The following SLC23A2 variants were observed in gnomAD, a reference collection of about 807,000 sequenced individuals.
The protein encoded by SLC23A2 is solute carrier family 23 member 2.
A neutral mutation model predicts 73.3 loss-of-function variants in SLC23A2; 36 were observed. That is an observed-to-expected ratio of 0.49 (90% confidence interval 0.38 to 0.65). SLC23A2 has a LOEUF of 0.65. Ranked by LOEUF, SLC23A2 falls within the 30% of genes least tolerant of loss-of-function variation. The pLI, the probability that SLC23A2 is intolerant of heterozygous loss-of-function variation, is 0.00. For missense variants in SLC23A2, 507 were observed against 841.6 expected, an observed-to-expected ratio of 0.60 and a Z score of 4.92; for synonymous variants, 343 against 327.3, an observed-to-expected ratio of 1.05 and a Z score of -0.52.
intron 9 of SLC23A2, among the ~76,000 whole-genome samples, chr20:4,876,783 G>A (rs1003639615): frequency 2.6e-5 from 4 of 152,180 alleles, no homozygotes; most frequent in Admixed American, 1.3e-4. Flanking sequence ...TAATATCGTG[G>A]TCTATCTGTT....
chr20:4,879,278 G>A (rs747426185), intron 9 of SLC23A2, among the ~76,000 whole-genome samples: 2 of 151,696 alleles, frequency 1.3e-5, no homozygotes, highest in African/African-American at 4.8e-5. Context: ...GAGTGGTGGC[G>A]GATGCCTGTA....
At chr20:4,983,450 T>A (rs556540658) in intron 1 of SLC23A2, among the ~76,000 whole-genome samples, 39 of 149,488 alleles carry the variant, frequency 2.6e-4, no homozygotes, top group Admixed American at 1.1e-3. Context: ...ATCGAGACCA[T>A]CCTGGCCAAC....
At chr20:4,964,273 G>A (rs139482539) in intron 2 of SLC23A2, among the ~76,000 whole-genome samples, 1 of 152,240 alleles carries the variant, frequency 6.6e-6, no homozygotes, top group East Asian at 1.9e-4. Flanking sequence ...GGGATTATAG[G>A]CGTGAACCAC....
At chr20:4,936,687 C>G (rs1290203701) in intron 2 of SLC23A2, among the ~76,000 whole-genome samples, 1 of 152,132 alleles carries the variant, frequency 6.6e-6, no homozygotes. Context: ...AGCAGCAAAC[C>G]CCTCCCCACC....
intron 3 of SLC23A2, among the ~76,000 whole-genome samples, chr20:4,915,849 G>A (rs1394066169): frequency 6.6e-6 from 1 of 152,198 alleles, no homozygotes; most frequent in East Asian, 1.9e-4. Context: ...TTGAGAGGAT[G>A]AGGCAGGAGA....
chr20:4,870,013 G>T lies in SLC23A2; in HGVS notation c.1143C>A (p.Ile381=), dbSNP rs369767495. The change falls in exon 12 of 17, where the codon ATC becomes ATA. Residue 381 remains isoleucine, a synonymous_variant. Transcript: ENST00000338244. ...TGGCGACCACGGCACTGAGCATGCCGATGACACCGGCCGCAGACACGGTGG... is the reference window on the plus strand; with the variant it reads ...TGGCGACCACGGCACTGAGCATGCCTATGACACCGGCCGCAGACACGGTGG... ...GLPTVSAAGV[I]GMLSAVVASI... The T allele has an allele frequency of 1.2e-6, 2 of 1,612,936 alleles. No homozygotes were observed. The highest frequency in any genetic ancestry group is 2.2e-5 in the East Asian group (1 of 44,862).
chr20:4,900,590 A>G (rs548923711), intron 5 of SLC23A2, among the ~76,000 whole-genome samples: 1 of 152,358 alleles, frequency 6.6e-6, no homozygotes, highest in South Asian at 2.1e-4. Context: ...CATAAGTTAC[A>G]TACGCATGGA....
chr20:4,865,855 CAG>C (rs1043990150), intron 13 of SLC23A2, among the ~76,000 whole-genome samples: 1 of 151,952 alleles, frequency 6.6e-6, no homozygotes, highest in Non-Finnish European at 1.5e-5. Flanking sequence ...ATTTTGGAGT[CAG>C]AGTCTCGCTC....
intron 4 of SLC23A2, 64 bp downstream of exon 4, chr20:4,912,816 C>T (rs922422990): frequency 5.3e-5 from 55 of 1,042,794 alleles, no homozygotes; most frequent in Middle Eastern, 2.8e-4. Flanking sequence ...GATCCAGATC[C>T]GGGGCAGCAC....
At chr20:4,976,600 C>T (rs557332575) in intron 1 of SLC23A2, among the ~76,000 whole-genome samples, 122 of 150,560 alleles carry the variant, frequency 8.1e-4, no homozygotes, top group African/African-American at 2.9e-3. Flanking sequence ...TGCTTGAACC[C>T]GGAGGCAGAG....
In SLC23A2 at chr20:4,873,969, G is replaced by A. The variant is rs1280436313; in HGVS notation, c.1069C>T (p.Leu357=). The A allele has an allele frequency of 1.9e-6, 3 of 1,614,026 alleles. No homozygotes were observed. In the South Asian group the frequency reaches 3.3e-5, roughly 18 times the overall value. ...GGAACCTTAAACCACGGGGCTACCA[G>A]AAGCACGCCTTGCCTGGCATCTGTG... ...ARTDARQGVL[L]VAPWFKVPYP... is the part of the protein sequence containing the mutation. The change falls in exon 11 of 17, where the codon CTG becomes TTG. Residue 357 remains leucine (L), a synonymous_variant. Transcript: ENST00000338244.
intron 4 of SLC23A2, among the ~76,000 whole-genome samples, chr20:4,905,402 C>T (rs967941641): frequency 2.0e-5 from 3 of 152,128 alleles, no homozygotes; most frequent in Non-Finnish European, 4.4e-5. Context: ...CGCACTGTGG[C>T]GCCACACTCA....
rs148146846 is a variant in SLC23A2, at chr20:4,881,411, G to A, written c.824+2231C>T. On this transcript the variant is annotated intron_variant, in intron 9 of 16. Coordinates refer to ENST00000338244, the MANE Select transcript of SLC23A2 (RefSeq NM_005116.6). ...GAGGCACCCCCATACTTAGAGATAAGAGTGAGGAGGAGTCAATTTTGGTTA... is the reference window on the plus strand; with the variant it reads ...GAGGCACCCCCATACTTAGAGATAAAAGTGAGGAGGAGTCAATTTTGGTTA... 8.2e-3 allele frequency among the ~76,000 whole-genome samples: 1,247 copies of A among 152,294 alleles called. 7 individuals are homozygous for A. Among genetic ancestry groups the A allele is most frequent in the Non-Finnish European group, 0.011 (740 of 68,020 alleles).
chr20:4,904,197 G>A (rs1325029693), intron 4 of SLC23A2, among the ~76,000 whole-genome samples: 2 of 152,176 alleles, frequency 1.3e-5, no homozygotes, highest in African/African-American at 4.8e-5. Flanking sequence ...AGGGGCTGGT[G>A]AGTAATTAAA....
In SLC23A2 at chr20:4,874,622, T is replaced by C. The variant is rs775303356; in HGVS notation, c.899A>G (p.Lys300Arg). 6.2e-6 allele frequency: 10 copies of C among 1,612,944 alleles called. No individual in the cohort carries two copies. The South Asian group carries it at 9.9e-5, about 16-fold the overall frequency. Residue 300 changes from lysine (K) to arginine (R), a missense_variant, in exon 10 of 17, where the codon AAG becomes AGG. Physicochemically the swap from Lys to Arg is conservative, Grantham distance 26 (BLOSUM62 2). Transcript: ENST00000338244. Reference protein sequence around the residue: ...VKFPLPIYKSKKGWTAYKLQL... With the variant: ...VKFPLPIYKSRKGWTAYKLQL... ...TAACTTGTACGCAGTCCATCCTTTC[T>C]TGGATTTATAAATCGGGAGAGGAAA...
intron 1 of SLC23A2, among the ~76,000 whole-genome samples, chr20:4,982,000 C>CGATGGCAAT (rs1555808009): frequency 6.7e-6 from 1 of 148,606 alleles, no homozygotes; most frequent in South Asian, 2.2e-4. Context: ...CGTGCCCAGC[C>CGATGGCAAT]TCTTTCTTTT....
chr20:4,884,517 G>C (rs1931021161), intron 8 of SLC23A2, among the ~76,000 whole-genome samples: 1 of 152,244 alleles, frequency 6.6e-6, no homozygotes, highest in South Asian at 2.1e-4. Context: ...GAGTGGACAG[G>C]TCTGTGGGTG....
In SLC23A2 at chr20:4,906,038, C is replaced by T. The variant is rs376536824; in HGVS notation, c.208-3480G>A. 7.2e-5 allele frequency among the ~76,000 whole-genome samples: 11 copies of T among 152,236 alleles called. No homozygotes were observed. The South Asian group carries it at 2.3e-3, about 32-fold the overall frequency. The stretch of plus-strand genomic sequence containing the variant: ...TCTATTTTTTTTCTCTTGATCAGGG[C>T]CACAACAGATCAGTTTTGGCCAGGC... On this transcript the variant is annotated intron_variant, in intron 4 of 16. Transcript: ENST00000338244.
At chr20:4,954,716 AG>A (rs761893429) in intron 2 of SLC23A2, among the ~76,000 whole-genome samples, 5,231 of 142,002 alleles carry the variant, frequency 0.037, 172 homozygotes, top group African/African-American at 0.095. Flanking sequence ...AAAAAAAAAA[AG>A]AAAGAAAGAA....
Sources: allele counts gnomAD v4.1 joint callset (sites outside exome capture counted in the v4.1 genomes callset), GRCh38; gene constraint gnomAD v4.1.1; transcripts MANE v1.5; gene names NCBI Gene and HGNC (gene_info 2026-07-23, HGNC 2026-07-21).